The following CFAP58 variants were observed in gnomAD, a reference collection of about 807,000 sequenced individuals.
CFAP58 encodes the protein cilia and flagella associated protein 58.
CFAP58 carries 88 observed loss-of-function variants against 119.5 expected under a neutral mutation model. The ratio of observed to expected loss-of-function variants is 0.74; its 90% CI spans 0.62 to 0.88. CFAP58 has a LOEUF of 0.88. Ranked by LOEUF, CFAP58 falls within the 40% of genes least tolerant of loss-of-function variation. The probability of loss-of-function intolerance (pLI) is 0.00; values close to 1 mark genes in which losing one functional copy is unlikely to be tolerated. For synonymous variants in CFAP58, 365 were observed against 366.3 expected, an observed-to-expected ratio of 1.00 and a Z score of 0.04; for missense variants, 990 against 1,021.2, an observed-to-expected ratio of 0.97 and a Z score of 0.42.
At chr10:104,413,746 CATCAAG>C (rs1026877162) in intron 15 of CFAP58, among the ~76,000 whole-genome samples, 4 of 150,516 alleles carry the variant, frequency 2.7e-5, no homozygotes, top group African/African-American at 9.9e-5. Context: ...TCATCATCAT[CATCAAG>C]ATGGCATTTC....
intron 9 of CFAP58, among the ~76,000 whole-genome samples, chr10:104,386,481 C>T (rs1458301194): frequency 1.3e-5 from 2 of 151,940 alleles, no homozygotes; most frequent in Non-Finnish European, 2.9e-5. Flanking sequence ...TATTAATAAC[C>T]TTGCCTTTCT....
At chr10:104,421,560 A>G (rs1476502252) in intron 15 of CFAP58, among the ~76,000 whole-genome samples, 2 of 152,220 alleles carry the variant, frequency 1.3e-5, no homozygotes, top group African/African-American at 4.8e-5. Context: ...TCTAAGATTC[A>G]AGGAAGAGAG....
intron 15 of CFAP58, among the ~76,000 whole-genome samples, chr10:104,442,216 T>C (rs913970843): frequency 5.3e-5 from 8 of 152,068 alleles, no homozygotes; most frequent in Non-Finnish European, 1.0e-4. Flanking sequence ...AAAAGAGTTA[T>C]GTGTGCAATT....
chr10:104,421,515 T>C (rs997319602), intron 15 of CFAP58, among the ~76,000 whole-genome samples: 1 of 152,230 alleles, frequency 6.6e-6, no homozygotes, highest in Non-Finnish European at 1.5e-5. Flanking sequence ...TTTGACTGGG[T>C]GGGTAAACCT....
intron 15 of CFAP58, among the ~76,000 whole-genome samples, chr10:104,427,859 C>T (rs2012775225): frequency 1.3e-5 from 2 of 151,978 alleles, no homozygotes; most frequent in Admixed American, 1.3e-4. Context: ...TGAAGAAGCT[C>T]CCTCAGCAAC....
chr10:104,352,525 G>C (rs1199610839), upstream of CFAP58, among the ~76,000 whole-genome samples: 1 of 152,134 alleles, frequency 6.6e-6, no homozygotes, highest in Non-Finnish European at 1.5e-5. Context: ...AAAGAGAGTA[G>C]AGACAGTTTT....
At chr10:104,363,057 C>T (rs1010681992) in intron 3 of CFAP58, among the ~76,000 whole-genome samples, 1 of 152,228 alleles carries the variant, frequency 6.6e-6, no homozygotes, top group African/African-American at 2.4e-5. Context: ...ACTGTCTTAA[C>T]TTCATCACCA....
chr10:104,432,167 T>C (rs1248452995), intron 15 of CFAP58, among the ~76,000 whole-genome samples: 1 of 151,526 alleles, frequency 6.6e-6, no homozygotes, highest in East Asian at 1.9e-4. Flanking sequence ...TAAAACATCA[T>C]CAGAATAGTA....
chr10:104,344,886 G>C, the CFAP58 span, among the ~76,000 whole-genome samples: 1 of 151,968 alleles, frequency 6.6e-6, no homozygotes, highest in Non-Finnish European at 1.5e-5. Flanking sequence ...GGTGGCTCAC[G>C]CCTGTAATCC....
At chr10:104,442,542 G>A (rs773391137) in intron 15 of CFAP58, among the ~76,000 whole-genome samples, 1 of 151,070 alleles carries the variant, frequency 6.6e-6, no homozygotes, top group Non-Finnish European at 1.5e-5. Flanking sequence ...GAGCCGAGAT[G>A]GTGCCATTGC....
chr10:104,358,270 A>G, intron 1 of CFAP58, 71 bp from the exon 2 acceptor site: 1 of 1,463,486 alleles, frequency 6.8e-7, no homozygotes, highest in Non-Finnish European at 9.2e-7. Context: ...CAGAGGTAAT[A>G]GCAGTAATTC....
At chr10:104,427,527 T>C (rs910105104) in intron 15 of CFAP58, among the ~76,000 whole-genome samples, 1 of 152,168 alleles carries the variant, frequency 6.6e-6, no homozygotes, top group Admixed American at 6.6e-5. Context: ...GTCTGATAAG[T>C]TATATTTCGC....
At chr10:104,393,274 A>C (rs2012086642) in intron 10 of CFAP58, 55 bp from the exon 11 acceptor site, 1 of 1,525,548 alleles carries the variant, frequency 6.6e-7, no homozygotes, top group Non-Finnish European at 9.0e-7. Context: ...TTGAACTTCC[A>C]TAGGGACGAT....
chr10:104,376,989 G>C (rs2011683737), intron 8 of CFAP58, 96 bp downstream of exon 8: 2 of 880,564 alleles, frequency 2.3e-6, no homozygotes, highest in African/African-American at 3.4e-5. Flanking sequence ...AAACTCCGAG[G>C]CAAACAAAAG....
intron 9 of CFAP58, among the ~76,000 whole-genome samples, chr10:104,380,806 A>T (rs2011775679): frequency 6.6e-6 from 1 of 151,994 alleles, no homozygotes. Flanking sequence ...CAAGCAGCCC[A>T]GGCAACATGT....
intron 15 of CFAP58, among the ~76,000 whole-genome samples, chr10:104,440,470 G>T (rs1260971946): frequency 6.6e-6 from 1 of 152,086 alleles, no homozygotes; most frequent in Non-Finnish European, 1.5e-5. Context: ...GTTATGATTT[G>T]AATCCAATGA....
At chr10:104,392,057 C>T (rs2012056321) in intron 9 of CFAP58, among the ~76,000 whole-genome samples, 176 bp from the exon 10 acceptor site, 1 of 152,034 alleles carries the variant, frequency 6.6e-6, no homozygotes, top group African/African-American at 2.4e-5. Context: ...TGTGTATTTG[C>T]CCCTAATCAG....
intron 14 of CFAP58, among the ~76,000 whole-genome samples, chr10:104,405,690 A>G (rs557112291): frequency 6.6e-6 from 1 of 152,366 alleles, no homozygotes; most frequent in African/African-American, 2.4e-5. Context: ...TCTGCTGCCA[A>G]TAATTAGCAG....
chr10:104,378,574 C>T (rs2011715411), intron 8 of CFAP58, among the ~76,000 whole-genome samples: 1 of 152,222 alleles, frequency 6.6e-6, no homozygotes, highest in Non-Finnish European at 1.5e-5. Context: ...ATGAAAGCAT[C>T]TCTCTCTGCC....
Sources: allele counts gnomAD v4.1 joint callset (sites outside exome capture counted in the v4.1 genomes callset), GRCh38; gene constraint gnomAD v4.1.1; transcripts MANE v1.5; gene names NCBI Gene and HGNC (gene_info 2026-07-23, HGNC 2026-07-21).